The following NEMF variants were observed in gnomAD, a reference collection of about 807,000 sequenced individuals.
The protein encoded by NEMF is nuclear export mediator factor, also known as ribosome quality control complex subunit NEMF.
A neutral mutation model predicts 162.2 loss-of-function variants in NEMF; 89 were observed. That is an observed-to-expected ratio of 0.55 (90% CI 0.46 to 0.65). The LOEUF (loss-of-function observed/expected upper bound fraction) is 0.65. Among genes scored for constraint, NEMF ranks in the 30% least tolerant of loss-of-function variants. The probability of loss-of-function intolerance (pLI) is 0.00; values close to 1 mark genes in which losing one functional copy is unlikely to be tolerated. For missense variants in NEMF, 1,133 were observed against 1,261.9 expected (o/e 0.90, Z 1.55); for synonymous variants, 421 against 404.5 (o/e 1.04, Z -0.49).
intron 28 of NEMF, 21 bp downstream of exon 28, chr14:49,789,125 A>T: frequency 6.2e-7 from 1 of 1,605,482 alleles, no homozygotes; most frequent in Middle Eastern, 1.7e-4. Flanking sequence ...TAAGAAGCAG[A>T]AGCCCACAAA....
At chr14:49,839,976 A>C (rs1239037060) in intron 5 of NEMF, 5 of 152,250 alleles carry the variant, frequency 3.3e-5, no homozygotes, top group Non-Finnish European at 7.3e-5. Context: ...TTGGGCAACA[A>C]AGCAAGACCC....
At chr14:49,817,916 T>C (rs1393948342) in intron 16 of NEMF, among the ~76,000 whole-genome samples, 1 of 152,154 alleles carries the variant, frequency 6.6e-6, no homozygotes, top group Non-Finnish European at 1.5e-5. Flanking sequence ...CAACTTGTTT[T>C]ATGAGGCAAT....
Position 49,784,666 on chromosome 14 carries a change from T to C in NEMF, c.3201A>G (p.Ala1067=). ...TCCTTTTTACGTTCAGAAGATTGGG[T>C]GCAGACACTTTCACTTTGCCAGGAA... is the stretch of plus-strand genomic sequence containing the variant. ...RNIPGKVKVS[A]PNLLNVKRK Residue 1067 remains alanine (A), a synonymous_variant, in exon 33 of 33, where the codon GCA becomes GCG. Transcript: ENST00000298310. 1.9e-6 allele frequency: 3 copies of C among 1,612,364 alleles called. No individual in the cohort carries two copies. The highest frequency in any genetic ancestry group is 2.5e-6 in the Non-Finnish European group (3 of 1,179,100).
intron 19 of NEMF, 145 bp downstream of exon 19, chr14:49,805,876 T>C (rs1041887623): frequency 8.2e-6 from 4 of 489,422 alleles, no homozygotes; most frequent in East Asian, 6.5e-5. Flanking sequence ...ATGGCACTTA[T>C]TACCTGACAT....
intron 3 of NEMF, among the ~76,000 whole-genome samples, chr14:49,851,320 T>C (rs1893763971): frequency 6.6e-6 from 1 of 152,220 alleles, no homozygotes. Flanking sequence ...CTGAATGTGA[T>C]AAAAGCTTGA....
intron 16 of NEMF, among the ~76,000 whole-genome samples, chr14:49,822,668 TAAAAAAAAAAAAAAAA>T (rs59170500): frequency 4.8e-4 from 22 of 46,170 alleles, no homozygotes; most frequent in African/African-American, 1.6e-3. Context: ...AGTCTCTACT[TAAAAAAAAAAAAAAAA>T]AAAAAAAAAA....
chr14:49,782,652 G>C lies in NEMF; in HGVS notation c.*1984C>G. The C allele has an allele frequency of 6.9e-7, 1 of 1,445,320 alleles. No homozygotes were observed. The highest frequency in any genetic ancestry group is 9.5e-7 in the Non-Finnish European group (1 of 1,056,340). 89.5% of individuals were successfully genotyped at this position (1,445,320 alleles called of 1,614,324 possible). A position where few individuals can be genotyped will look rare whatever the true frequency, so the allele number is the denominator to read the frequency against. Reference sequence around the variant, plus strand: ...TTAAAATTGTGTTTCCTAAGACTTAGCACTCTCGAAAAACTAGGTTTATGG... The same window carrying C: ...TTAAAATTGTGTTTCCTAAGACTTACCACTCTCGAAAAACTAGGTTTATGG... On this transcript the variant is annotated 3_prime_UTR_variant, in exon 33 of 33. Coordinates refer to ENST00000298310, the MANE Select transcript of NEMF (RefSeq NM_004713.6).
At chr14:49,846,014 C>A in intron 4 of NEMF, 126 bp downstream of exon 4, 1 of 689,214 alleles carries the variant, frequency 1.5e-6, no homozygotes, top group Admixed American at 3.2e-5. Context: ...GTGTGGCACC[C>A]ATTTCCTAGG....
rs1358417734 is a variant in NEMF at position 49,828,306 on chromosome 14, A to C, written c.1473T>G (p.Val491=). 6.2e-7 allele frequency: 1 copy of C among 1,605,416 alleles called. No individual in the cohort carries two copies. Among genetic ancestry groups the C allele is most frequent in the Non-Finnish European group, 8.5e-7 (1 of 1,173,642 alleles). The change falls in exon 15 of 33, where the codon GTT becomes GTG. Residue 491 remains valine (V), a synonymous_variant. Transcript: ENST00000298310. The stretch of plus-strand genomic sequence containing the variant: ...TACTCAGTACCTTCTCAGCAGCTTC[A>C]ACAGTCTTTTGTGTTTTCTTAGCAG... ...RYAAKKTQKT[V]EAAEKAFKSA... is the part of the protein sequence containing the mutation.
At chr14:49,852,107 T>C (rs1291931343) in intron 1 of NEMF, among the ~76,000 whole-genome samples, 1 of 151,922 alleles carries the variant, frequency 6.6e-6, no homozygotes, top group Non-Finnish European at 1.5e-5. Context: ...GCTTGCGTCT[T>C]CCAAATGACC....
intron 26 of NEMF, among the ~76,000 whole-genome samples, chr14:49,794,063 C>A (rs1251657501): frequency 1.3e-5 from 2 of 152,134 alleles, no homozygotes; most frequent in Non-Finnish European, 1.5e-5. Flanking sequence ...TATTTTATCA[C>A]GTACTAAAAT....
intron 16 of NEMF, among the ~76,000 whole-genome samples, chr14:49,815,276 A>G (rs1383433806): frequency 6.6e-6 from 1 of 152,212 alleles, no homozygotes; most frequent in Non-Finnish European, 1.5e-5. Context: ...TTAATCTTTA[A>G]TATGATATTC....
Position 49,782,162 on chromosome 14 carries a change from G to A in NEMF, c.*2474C>T, listed in dbSNP as rs1294856334. 1.7e-5 allele frequency: 9 copies of A among 516,478 alleles called. No individual in the cohort carries two copies. In the East Asian group the frequency reaches 1.9e-4, roughly 11 times the overall value. 32.0% of individuals were successfully genotyped at this position (516,478 alleles called of 1,614,324 possible). On this transcript the variant is annotated 3_prime_UTR_variant, in exon 33 of 33. Transcript: ENST00000298310. ...AACTCCTCATTGCATAAATGAGAAC[G>A]ACCAGAGAGAGAAAATAATATCCAG...
chr14:49,785,296 C>G lies in NEMF; in HGVS notation c.2953G>C (p.Gly985Arg). The G allele has an allele frequency of 6.2e-7, 1 of 1,613,822 alleles. No individual in the cohort carries two copies. Among genetic ancestry groups the G allele is most frequent in the Non-Finnish European group, 8.5e-7 (1 of 1,179,782 alleles). The change falls in exon 30 of 33, where the codon GGC (glycine) becomes CGC (arginine). Residue 985 changes from glycine to arginine, a missense_variant. By Grantham distance (125) the Gly-to-Arg change is moderately radical (BLOSUM62 -2). This residue lies in a region of NEMF where 532 missense variants were observed against 578.6 expected (regional missense o/e 0.92). Transcript: ENST00000298310. The stretch of plus-strand genomic sequence containing the variant: ...AGTACATCTTCAGGATGTGGCTGGC[C>G]TGTCAAAGAATCAAATAGGTTTTCC... ...NEENLFDSLT[G>R]QPHPEDVLLF... is the part of the protein sequence containing the mutation.
chr14:49,785,384 C>T (rs1044179360), intron 29 of NEMF, 64 bp from the exon 30 acceptor site: 3 of 1,051,148 alleles, frequency 2.9e-6, no homozygotes, highest in Non-Finnish European at 4.5e-6. Context: ...AATGCTAAAA[C>T]ACTTGAATTA....
intron 16 of NEMF, among the ~76,000 whole-genome samples, chr14:49,816,192 G>A (rs1423497831): frequency 6.6e-6 from 1 of 152,186 alleles, no homozygotes; most frequent in Non-Finnish European, 1.5e-5. Context: ...AGCTGTGGCA[G>A]AGGAATATAA....
chr14:49,852,262 C>T (rs1412740470), intron 1 of NEMF, among the ~76,000 whole-genome samples: 2 of 152,204 alleles, frequency 1.3e-5, no homozygotes, highest in African/African-American at 4.8e-5. Context: ...AGATCTCAGT[C>T]CAAATCTGCT....
chr14:49,851,530 CT>C, intron 3 of NEMF, 32 bp downstream of exon 3: 1 of 1,449,770 alleles, frequency 6.9e-7, no homozygotes, highest in Non-Finnish European at 9.7e-7. Flanking sequence ...TGAGCAATCT[CT>C]TAAAATTTAG....
intron 11 of NEMF, 55 bp from the exon 12 acceptor site, chr14:49,829,481 T>C: frequency 2.2e-6 from 3 of 1,387,524 alleles, no homozygotes; most frequent in Non-Finnish European, 3.0e-6. Context: ...CCTCATGACA[T>C]CCCTCTCTTA....
Sources: gnomAD v4.1 joint callset for allele counts (sites outside exome capture counted in the v4.1 genomes callset) on GRCh38, gnomAD v4.1.1 for gene constraint, gnomAD v4.1.1 regional missense constraint, MANE v1.5 for transcripts, NCBI Gene and HGNC (gene_info 2026-07-23, HGNC 2026-07-21) for gene names.